Variants in PTBP3 observed in about 807,000 individuals in gnomAD.
The protein encoded by PTBP3 is polypyrimidine tract binding protein 3, also known as polypyrimidine tract-binding protein 3.
Under a neutral mutation model 58.7 loss-of-function variants are expected in PTBP3, and 20 were observed. That is an observed-to-expected ratio of 0.34 (90% confidence interval 0.24 to 0.50). The LOEUF (loss-of-function observed/expected upper bound fraction) is 0.50, where lower values mean the gene tolerates loss of function less well. Among genes scored for constraint, PTBP3 ranks in the 20% least tolerant of loss-of-function variants. The pLI is 0.98. For missense variants in PTBP3, 509 were observed against 637.2 expected (o/e 0.80, Z 2.17); for synonymous variants, 185 against 219.8 (o/e 0.84, Z 1.40).
the PTBP3 span, among the ~76,000 whole-genome samples, chr9:112,352,650 C>T: frequency 3.3e-5 from 5 of 152,150 alleles, no homozygotes; most frequent in African/African-American, 4.8e-5. Flanking sequence ...GCTTCTGGGC[C>T]TTCAGGAACA....
At chr9:112,330,160 T>C (rs1830311734) in intron 1 of PTBP3, among the ~76,000 whole-genome samples, 1 of 152,194 alleles carries the variant, frequency 6.6e-6, no homozygotes, top group African/African-American at 2.4e-5. Flanking sequence ...GGCCTAAGCC[T>C]AGGCTACATT....
intron 2 of PTBP3, among the ~76,000 whole-genome samples, chr9:112,292,058 G>A (rs1828458112): frequency 6.6e-6 from 1 of 152,134 alleles, no homozygotes; most frequent in Non-Finnish European, 1.5e-5. Context: ...GAAGTCTGGG[G>A]ACAGTGCTTA....
the PTBP3 span, among the ~76,000 whole-genome samples, chr9:112,365,833 G>C: frequency 1.3e-5 from 2 of 152,238 alleles, no homozygotes; most frequent in Non-Finnish European, 2.9e-5. Flanking sequence ...GGTGGTCTCA[G>C]ATGGAGATGA....
chr9:112,313,214 T>TC (rs2132399980), intron 1 of PTBP3, among the ~76,000 whole-genome samples: 1 of 151,610 alleles, frequency 6.6e-6, no homozygotes, highest in South Asian at 2.1e-4. Context: ...TAAGACTTTT[T>TC]TCTTTTAAGA....
At chr9:112,239,660 G>C (rs2132019294) in intron 7 of PTBP3, among the ~76,000 whole-genome samples, 1 of 151,980 alleles carries the variant, frequency 6.6e-6, no homozygotes, top group African/African-American at 2.4e-5. Context: ...GAGCCCAGGA[G>C]TTCCAGGCTG....
chr9:112,253,989 G>T (rs1417406206), intron 5 of PTBP3, among the ~76,000 whole-genome samples: 1 of 152,066 alleles, frequency 6.6e-6, no homozygotes, highest in Non-Finnish European at 1.5e-5. Context: ...TTCTGCTTTT[G>T]AGATTAAAAA....
intron 5 of PTBP3, among the ~76,000 whole-genome samples, chr9:112,260,314 C>T (rs778674362): frequency 6.6e-6 from 1 of 152,188 alleles, no homozygotes; most frequent in Admixed American, 6.5e-5. Context: ...AGAACATCAT[C>T]TTCATTATAA....
At chr9:112,379,852 A>ACT in the PTBP3 span, 2 of 517,930 alleles carry the variant, frequency 3.9e-6, no homozygotes, top group Non-Finnish European at 6.8e-6. Context: ...CTAGGCGCCG[A>ACT]CAGGAGCCTG....
upstream of PTBP3, among the ~76,000 whole-genome samples, chr9:112,335,751 C>G (rs1166509723): frequency 6.8e-6 from 1 of 147,176 alleles, no homozygotes; most frequent in Non-Finnish European, 1.5e-5. Context: ...GGTGAAACCC[C>G]CCATCTCTAC....
intron 10 of PTBP3, among the ~76,000 whole-genome samples, chr9:112,229,220 T>TA (rs1364692186): frequency 4.0e-5 from 6 of 151,480 alleles, no homozygotes; most frequent in Admixed American, 6.6e-5. Flanking sequence ...TCCAGTGTAT[T>TA]ACAATATATT....
intron 5 of PTBP3, among the ~76,000 whole-genome samples, chr9:112,254,500 C>G (rs771172808): frequency 1.3e-5 from 2 of 151,910 alleles, no homozygotes; most frequent in Non-Finnish European, 2.9e-5. Flanking sequence ...GGTTAAGATC[C>G]AGAACAGATA....
At chr9:112,238,520 T>C (rs535806796) in intron 7 of PTBP3, among the ~76,000 whole-genome samples, 1 of 152,274 alleles carries the variant, frequency 6.6e-6, no homozygotes, top group African/African-American at 2.4e-5. Context: ...TATGAAAGGA[T>C]AATTTCTAGA....
chr9:112,332,712 C>T (rs559402926), intron 1 of PTBP3: 3 of 1,566,398 alleles, frequency 1.9e-6, no homozygotes, highest in Non-Finnish European at 2.6e-6. Flanking sequence ...TTATTTTGGT[C>T]ACGGACCCCC....
At chr9:112,258,553 T>G (rs1218711293) in intron 5 of PTBP3, among the ~76,000 whole-genome samples, 1 of 152,188 alleles carries the variant, frequency 6.6e-6, no homozygotes, top group African/African-American at 2.4e-5. Context: ...AATCTTTTTT[T>G]GTCTTTGTCT....
At chr9:112,245,527 C>T (rs1282229794) in intron 7 of PTBP3, among the ~76,000 whole-genome samples, 3 of 152,134 alleles carry the variant, frequency 2.0e-5, no homozygotes, top group Non-Finnish European at 2.9e-5. Context: ...CACACAGAAA[C>T]ATATATTTAT....
chr9:112,239,422 G>A (rs1301439798), intron 7 of PTBP3, among the ~76,000 whole-genome samples: 1 of 152,056 alleles, frequency 6.6e-6, no homozygotes, highest in Non-Finnish European at 1.5e-5. Context: ...TGGCATGTAA[G>A]GTGACAATTA....
intron 1 of PTBP3, among the ~76,000 whole-genome samples, chr9:112,314,881 G>T (rs1829638720): frequency 6.6e-6 from 1 of 150,536 alleles, no homozygotes; most frequent in Admixed American, 6.6e-5. Context: ...ACCCAGGCTG[G>T]AGTGCAGTGG....
At chr9:112,356,874 C>CTTTT in the PTBP3 span, among the ~76,000 whole-genome samples, 2,593 of 91,518 alleles carry the variant, frequency 0.028, 407 homozygotes, top group East Asian at 0.084. Context: ...TCATTTCCCT[C>CTTTT]TTTTTTTTTT....
chr9:112,279,223 T>C (rs1827754174), intron 2 of PTBP3, among the ~76,000 whole-genome samples: 1 of 152,170 alleles, frequency 6.6e-6, no homozygotes, highest in East Asian at 1.9e-4. Context: ...TAAATTTAAA[T>C]AATTATTTTC....
Sources: allele counts gnomAD v4.1 joint callset (sites outside exome capture counted in the v4.1 genomes callset), GRCh38; gene constraint gnomAD v4.1.1; transcripts MANE v1.5; gene names NCBI Gene and HGNC (gene_info 2026-07-23, HGNC 2026-07-21).